Variants in SH3RF1 observed in about 807,000 individuals in gnomAD.
The protein encoded by SH3RF1 is SH3 domain containing ring finger 1.
A neutral mutation model predicts 74.0 loss-of-function variants in SH3RF1; 32 were observed. The observed-to-expected ratio is 0.43, with a 90% confidence interval of 0.33 to 0.58. The LOEUF is 0.58. SH3RF1 is among the 20% of genes least tolerant of loss of function. SH3RF1 has a pLI of 0.05. For missense variants in SH3RF1, 954 were observed against 1,130.9 expected (o/e 0.84, Z 2.24); for synonymous variants, 396 against 439.6 (o/e 0.90, Z 1.24).
intron 2 of SH3RF1, among the ~76,000 whole-genome samples, chr4:169,219,261 C>T (rs1730522597): frequency 6.6e-6 from 1 of 152,156 alleles, no homozygotes; most frequent in Non-Finnish European, 1.5e-5. Flanking sequence ...AACCCTAAAT[C>T]ATCAGGAGAG....
In SH3RF1 at chr4:169,202,546, G is replaced by T. The variant is rs79357241; in HGVS notation, c.394-45867C>A. ...AATAAAAACCTTCAGCTTACAGCTA[G>T]CTTATAATTAGTATTTGGGTTAATA... On this transcript the variant is annotated intron_variant, in intron 2 of 11. Coordinates refer to ENST00000284637, the MANE Select transcript of SH3RF1 (RefSeq NM_020870.4). 5.4e-4 allele frequency among the ~76,000 whole-genome samples: 83 copies of T among 152,318 alleles called. No individual in the cohort carries two copies. The East Asian group carries it at 0.015, about 28-fold the overall frequency.
chr4:169,145,507 A>C (rs1733860116), intron 4 of SH3RF1, among the ~76,000 whole-genome samples: 1 of 150,732 alleles, frequency 6.6e-6, no homozygotes, highest in South Asian at 2.1e-4. Flanking sequence ...AAACCTCACC[A>C]ATATGCATGT....
chr4:169,222,511 TTA>T (rs140658147), intron 2 of SH3RF1, among the ~76,000 whole-genome samples: 16 of 148,082 alleles, frequency 1.1e-4, no homozygotes, highest in South Asian at 4.2e-4. Context: ...TTATACATAT[TTA>T]TATATATATA....
intron 2 of SH3RF1, among the ~76,000 whole-genome samples, chr4:169,266,628 G>C (rs1453815369): frequency 6.7e-6 from 1 of 149,218 alleles, no homozygotes; most frequent in Non-Finnish European, 1.5e-5. Flanking sequence ...TGGGGGGCAG[G>C]GGATGGGGGA....
intron 2 of SH3RF1, among the ~76,000 whole-genome samples, chr4:169,224,569 C>T (rs906226813): frequency 3.3e-5 from 5 of 152,250 alleles, no homozygotes; most frequent in Admixed American, 1.3e-4. Flanking sequence ...CTGCCTGCCT[C>T]GGCCTCCCAA....
chr4:169,117,319 T>C (rs1206138376), intron 9 of SH3RF1, among the ~76,000 whole-genome samples: 1 of 152,186 alleles, frequency 6.6e-6, no homozygotes, highest in Non-Finnish European at 1.5e-5. Flanking sequence ...CTTTCAGACT[T>C]TAGATCTATC....
intron 6 of SH3RF1, among the ~76,000 whole-genome samples, chr4:169,123,100 A>T (rs1412343387): frequency 6.6e-6 from 1 of 152,216 alleles, no homozygotes. Context: ...GAACAACTAG[A>T]TGTAAAAACT....
intron 2 of SH3RF1, among the ~76,000 whole-genome samples, chr4:169,228,571 G>A (rs558337332): frequency 9.0e-4 from 137 of 152,254 alleles, no homozygotes; most frequent in African/African-American, 3.0e-3. Flanking sequence ...AAAAGCCCCA[G>A]TGATTACACT....
At chr4:169,149,678 C>T (rs1053631364) in intron 4 of SH3RF1, among the ~76,000 whole-genome samples, 1 of 152,178 alleles carries the variant, frequency 6.6e-6, no homozygotes, top group Non-Finnish European at 1.5e-5. Context: ...TACCCACAAT[C>T]TCCCTAAATT....
intron 2 of SH3RF1, among the ~76,000 whole-genome samples, chr4:169,247,384 G>A (rs1356619279): frequency 6.6e-6 from 1 of 152,190 alleles, no homozygotes; most frequent in Non-Finnish European, 1.5e-5. Flanking sequence ...CTATGAACCT[G>A]GTCCAGGGGA....
At chr4:169,129,916 G>A (rs1733584530) in intron 6 of SH3RF1, 130 bp downstream of exon 6, 1 of 721,314 alleles carries the variant, frequency 1.4e-6, no homozygotes, top group South Asian at 1.9e-5. Flanking sequence ...AGAGATAATA[G>A]ATGAAAGATA....
chr4:169,201,889 A>G (rs1734915436), intron 2 of SH3RF1: 2 of 152,248 alleles, frequency 1.3e-5, no homozygotes, highest in African/African-American at 4.8e-5. Flanking sequence ...CTAGTAGCAC[A>G]GGATACTTGG....
Position 169,227,203 on chromosome 4 carries a change from T to G in SH3RF1, c.393+41617A>C, listed in dbSNP as rs1730665274. 2.0e-5 allele frequency among the ~76,000 whole-genome samples: 3 copies of G among 152,104 alleles called. No individual in the cohort carries two copies. In the South Asian group the frequency reaches 6.2e-4, roughly 32 times the overall value. ...CATAAGAAAGAACCAAGAGTTTAAT[T>G]AATTCCAATTAGAAAATGATAAGAA... is the stretch of plus-strand genomic sequence containing the variant. On this transcript the variant is annotated intron_variant, in intron 2 of 11. Coordinates refer to ENST00000284637, the MANE Select transcript of SH3RF1 (RefSeq NM_020870.4).
At chr4:169,207,502 A>G (rs1004777142) in intron 2 of SH3RF1, among the ~76,000 whole-genome samples, 2 of 152,232 alleles carry the variant, frequency 1.3e-5, no homozygotes, top group African/African-American at 4.8e-5. Flanking sequence ...CAAAATTCCT[A>G]CATTTTAAAA....
At chr4:169,217,732 G>C (rs2126999516) in intron 2 of SH3RF1, among the ~76,000 whole-genome samples, 1 of 152,256 alleles carries the variant, frequency 6.6e-6, no homozygotes, top group Non-Finnish European at 1.5e-5. Context: ...CAGAGTTTTA[G>C]CTGGGGAAGC....
chr4:169,231,775 C>A (rs1248045534), intron 2 of SH3RF1, among the ~76,000 whole-genome samples: 2 of 152,188 alleles, frequency 1.3e-5, no homozygotes, highest in Non-Finnish European at 2.9e-5. Context: ...TGTGAACCAT[C>A]TGTTTTCAAT....
chr4:169,169,911 A>G (rs999882208), intron 2 of SH3RF1, among the ~76,000 whole-genome samples: 1 of 152,142 alleles, frequency 6.6e-6, no homozygotes, highest in Admixed American at 6.6e-5. Context: ...ATTCTGTGGT[A>G]CTAAAATGAG....
At chr4:169,253,221 A>G (rs2331647) in intron 2 of SH3RF1, among the ~76,000 whole-genome samples, 144,318 of 152,318 alleles carry the variant, frequency 0.95, 68,856 homozygotes, top group East Asian at 1. Context: ...AAGTTACCAA[A>G]CCTTCCTAGC....
chr4:169,242,073 G>A (rs1029700068), intron 2 of SH3RF1, among the ~76,000 whole-genome samples: 1 of 152,076 alleles, frequency 6.6e-6, no homozygotes, highest in African/African-American at 2.4e-5. Flanking sequence ...CCTTTGGTGG[G>A]AAAGGAGGGA....
Sources: gnomAD v4.1 joint callset for allele counts (sites outside exome capture counted in the v4.1 genomes callset) on GRCh38, gnomAD v4.1.1 for gene constraint, MANE v1.5 for transcripts, NCBI Gene and HGNC (gene_info 2026-07-23, HGNC 2026-07-21) for gene names.